The following APBB1IP variants were observed in gnomAD, a reference collection of about 807,000 sequenced individuals.
APBB1IP encodes amyloid beta precursor protein binding family B member 1 interacting protein.
APBB1IP carries 27 observed loss-of-function variants against 64.9 expected under a neutral mutation model. The observed-to-expected ratio is 0.42, with a 90% CI of 0.31 to 0.57. The LOEUF (loss-of-function observed/expected upper bound fraction) is 0.57. Among genes scored for constraint, APBB1IP ranks in the 20% least tolerant of loss-of-function variants. The pLI is 0.20. For missense variants in APBB1IP, 812 were observed against 845.5 expected (o/e 0.96, Z 0.49); for synonymous variants, 392 against 331.0 (o/e 1.18, Z -2.00).
chr10:26,563,387 A>G (rs1836998767), intron 14 of APBB1IP, among the ~76,000 whole-genome samples: 1 of 152,220 alleles, frequency 6.6e-6, no homozygotes, highest in Non-Finnish European at 1.5e-5. Context: ...GGGTTACACT[A>G]AAAATGTGTA....
chr10:26,566,008 T>C (rs1474225336), intron 14 of APBB1IP, among the ~76,000 whole-genome samples: 11 of 152,238 alleles, frequency 7.2e-5, no homozygotes, highest in African/African-American at 2.4e-4. Flanking sequence ...TGGGTTTGCA[T>C]ATTTATATCA....
chr10:26,453,139 CA>C (rs1835483444), intron 2 of APBB1IP, among the ~76,000 whole-genome samples: 1 of 152,140 alleles, frequency 6.6e-6, no homozygotes, highest in East Asian at 1.9e-4. Context: ...ATAAACAAGT[CA>C]TAAAGCAGGT....
intron 2 of APBB1IP, among the ~76,000 whole-genome samples, chr10:26,491,107 C>T (rs372282652): frequency 1.3e-4 from 20 of 152,008 alleles, no homozygotes; most frequent in African/African-American, 4.6e-4. Flanking sequence ...GATGAAACCT[C>T]GTCTCTACTA....
chr10:26,480,620 CTTTT>C (rs535190399), intron 2 of APBB1IP, among the ~76,000 whole-genome samples: 1 of 83,940 alleles, frequency 1.2e-5, no homozygotes, highest in Non-Finnish European at 2.3e-5. Context: ...TGAGCTGCTT[CTTTT>C]TTTTTTTTTT....
At chr10:26,547,580 T>C (rs887183382) in intron 11 of APBB1IP, among the ~76,000 whole-genome samples, 1 of 152,152 alleles carries the variant, frequency 6.6e-6, no homozygotes, top group Admixed American at 6.6e-5. Flanking sequence ...TAGCTGGGAT[T>C]ACAGGAACGC....
chr10:26,547,287 ATTC>A (rs1335570255), intron 11 of APBB1IP, among the ~76,000 whole-genome samples: 1 of 152,096 alleles, frequency 6.6e-6, no homozygotes, highest in South Asian at 2.1e-4. Context: ...TTCCTTATAT[ATTC>A]TTCTTATTAA....
At chr10:26,462,804 A>G (rs1835608215) in intron 2 of APBB1IP, among the ~76,000 whole-genome samples, 1 of 152,110 alleles carries the variant, frequency 6.6e-6, no homozygotes, top group African/African-American at 2.4e-5. Context: ...TCATCCACTC[A>G]ATTTCCTCTG....
At chr10:26,471,851 A>G (rs1003315606) in intron 2 of APBB1IP, among the ~76,000 whole-genome samples, 24 of 151,906 alleles carry the variant, frequency 1.6e-4, no homozygotes, top group African/African-American at 5.6e-4. Flanking sequence ...TGCCTGGCTT[A>G]TTTTTTATAT....
At chr10:26,558,699 C>A (rs1445677753) in intron 11 of APBB1IP, among the ~76,000 whole-genome samples, 4 of 151,828 alleles carry the variant, frequency 2.6e-5, no homozygotes. Context: ...ATTGCGTGAG[C>A]CCAGGAGTTA....
At chr10:26,547,027 G>A (rs1836773202) in intron 11 of APBB1IP, among the ~76,000 whole-genome samples, 1 of 152,186 alleles carries the variant, frequency 6.6e-6, no homozygotes, top group Admixed American at 6.5e-5. Flanking sequence ...GTGCATAAGA[G>A]TTCTTGTTTT....
At chr10:26,534,662 A>G (rs1466122736) in intron 9 of APBB1IP, among the ~76,000 whole-genome samples, 3 of 152,178 alleles carry the variant, frequency 2.0e-5, no homozygotes, top group Non-Finnish European at 2.9e-5. Flanking sequence ...CAAATAAAGC[A>G]GCTACCAGAA....
intron 2 of APBB1IP, among the ~76,000 whole-genome samples, chr10:26,449,025 A>G (rs10829002): frequency 0.39 from 58,676 of 151,718 alleles, 11,469 homozygotes; most frequent in South Asian, 0.5. Context: ...AGGGGAGGGC[A>G]GTAGTGCTAA....
intron 2 of APBB1IP, among the ~76,000 whole-genome samples, chr10:26,471,646 G>T (rs777855436): frequency 5.3e-5 from 8 of 152,030 alleles, no homozygotes; most frequent in Non-Finnish European, 7.4e-5. Flanking sequence ...TCCAAACAGA[G>T]AGAGGTAAAA....
intron 4 of APBB1IP, 142 bp from the exon 5 acceptor site, chr10:26,500,671 GAATTAA>G: frequency 1.3e-6 from 1 of 788,080 alleles, no homozygotes; most frequent in Non-Finnish European, 2.0e-6. Flanking sequence ...TTGTGCTATT[GAATTAA>G]AATATTCTCA....
intron 11 of APBB1IP, among the ~76,000 whole-genome samples, chr10:26,556,858 T>G (rs1234732888): frequency 6.6e-6 from 1 of 152,204 alleles, no homozygotes; most frequent in African/African-American, 2.4e-5. Flanking sequence ...AAGAGACCAA[T>G]GCTTGCCTCT....
In APBB1IP at chr10:26,566,924, T is replaced by TA. The variant is rs146314526; in HGVS notation, c.1474-27dup. 10,858 of 1,410,618 alleles carry TA rather than the reference T, an allele frequency of 7.7e-3. 407 individuals carry two copies. The African/African-American group carries it at 0.12, about 15-fold the overall frequency. The allele number at this position is 1,410,618 out of a possible 1,614,324, so 87.4% of individuals were successfully genotyped here. Reference sequence around the variant, plus strand: ...ACAATAAATTTAAAATTTCAAAAATTAAAAAAAAAATGAATGCTACTGCCA... The same window carrying TA: ...ACAATAAATTTAAAATTTCAAAAATTAAAAAAAAAAATGAATGCTACTGCCA... On this transcript the variant is annotated intron_variant, in intron 14 of 14. Transcript: ENST00000376236.
rs1051523694 is a variant in APBB1IP, at chr10:26,533,545, G to A, written c.900+20G>A. The A allele has an allele frequency of 6.5e-7, 1 of 1,526,990 alleles. No homozygotes were observed. The highest frequency in any genetic ancestry group is 8.9e-7 in the Non-Finnish European group (1 of 1,126,028). 94.6% of individuals were successfully genotyped at this position (1,526,990 alleles called of 1,614,324 possible). On this transcript the variant is annotated intron_variant, in intron 9 of 14. Transcript: ENST00000376236. ...CTTGAGGTAAGGTTAATTTTGCAGA[G>A]TGGAAGAAAAGAGAAGGACGTTTGC...
chr10:26,461,847 A>G (rs1383226071), intron 2 of APBB1IP, among the ~76,000 whole-genome samples: 1 of 151,874 alleles, frequency 6.6e-6, no homozygotes, highest in Non-Finnish European at 1.5e-5. Context: ...TGTAAATCTG[A>G]TCTTTTGCCA....
At position 26,567,696 on chromosome 10, in the gene APBB1IP, C is replaced by T. The variant is rs1377702983; in HGVS notation, c.*208C>T. On this transcript the variant is annotated 3_prime_UTR_variant, in exon 15 of 15. Transcript: ENST00000376236. The stretch of plus-strand genomic sequence containing the variant: ...TACATATCGTTCCCATGTATTTTAA[C>T]CTAAATGGAATGTATCTTCCCTTCC... 5 of 1,219,390 alleles carry T rather than the reference C, an allele frequency of 4.1e-6. No homozygotes were observed. Among genetic ancestry groups the T allele is most frequent in the Admixed American group, 3.4e-5 (1 of 29,422 alleles). 75.5% of individuals were successfully genotyped at this position (1,219,390 alleles called of 1,614,324 possible). A position where few individuals can be genotyped will look rare whatever the true frequency, so the allele number is the denominator to read the frequency against.
Sources: allele counts gnomAD v4.1 joint callset (sites outside exome capture counted in the v4.1 genomes callset), GRCh38; gene constraint gnomAD v4.1.1; transcripts MANE v1.5; gene names NCBI Gene and HGNC (gene_info 2026-07-23, HGNC 2026-07-21).